Variants in RRP1B observed in about 807,000 individuals in gnomAD.
RRP1B encodes ribosomal RNA processing protein 1 homolog B.
In RRP1B, 56 loss-of-function variants were observed where a neutral mutation model predicts 80.2. That is an observed-to-expected ratio of 0.70 (90% CI 0.56 to 0.87). The LOEUF (loss-of-function observed/expected upper bound fraction) is 0.87. RRP1B is among the 40% of genes least tolerant of loss of function. The pLI is 0.00. For synonymous variants in RRP1B, 351 were observed against 357.6 expected (o/e 0.98, Z 0.21); for missense variants, 807 against 939.8 (o/e 0.86, Z 1.85).
intron 3 of RRP1B, among the ~76,000 whole-genome samples, chr21:43,673,634 CAAAAAAAA>C (rs557525643): frequency 1.5e-5 from 1 of 66,076 alleles, no homozygotes; most frequent in Non-Finnish European, 3.9e-5. Context: ...ACCCCGTCTC[CAAAAAAAA>C]AAAAAAAAAA....
chr21:43,674,931 T>C, intron 5 of RRP1B, 103 bp from the exon 6 acceptor site: 1 of 1,450,174 alleles, frequency 6.9e-7, no homozygotes, highest in Non-Finnish European at 9.4e-7. Context: ...TTGCATTGAT[T>C]GTTAGGCTGT....
intron 8 of RRP1B, among the ~76,000 whole-genome samples, chr21:43,680,022 G>C (rs377746944): frequency 2.2e-4 from 33 of 152,236 alleles, no homozygotes; most frequent in African/African-American, 7.7e-4. Context: ...CCATCATACT[G>C]ATTCATGTAA....
chr21:43,684,715 C>G lies in RRP1B; in HGVS notation c.989+65C>G. On this transcript the variant is annotated intron_variant, in intron 10 of 15. Transcript: ENST00000340648. ...TTAGTTCTCATCTCCTGGTGTGGGA[C>G]AAGCCATCTGCATGCTTATCTTTTT... 3 of 1,290,816 alleles carry G rather than the reference C, an allele frequency of 2.3e-6. No individual in the cohort carries two copies. In the South Asian group the frequency reaches 3.6e-5, roughly 15 times the overall value. The allele number at this position is 1,290,816 out of a possible 1,614,324, so 80.0% of individuals were successfully genotyped here.
chr21:43,679,230 C>T (rs553572343), intron 8 of RRP1B, among the ~76,000 whole-genome samples: 12,901 of 141,762 alleles, frequency 0.091, 1,881 homozygotes, highest in African/African-American at 0.31. Flanking sequence ...TTTTGTGTGT[C>T]TTTTTTTTTT....
chr21:43,686,454 G>T, intron 11 of RRP1B: 1 of 215,030 alleles, frequency 4.7e-6, no homozygotes, highest in Non-Finnish European at 9.4e-6. Context: ...GTTACATTTG[G>T]ACAAGTCAGT....
chr21:43,690,083 T>A (rs1303967671), intron 13 of RRP1B, among the ~76,000 whole-genome samples: 1 of 152,270 alleles, frequency 6.6e-6, no homozygotes, highest in Non-Finnish European at 1.5e-5. Flanking sequence ...CCTCTTGGCA[T>A]GGTGCCATGA....
chr21:43,686,822 T>C lies in RRP1B; in HGVS notation c.1028T>C (p.Leu343Pro), dbSNP rs761478229. 21 of 1,614,076 alleles carry C rather than the reference T, an allele frequency of 1.3e-5. No individual in the cohort carries two copies. The highest frequency in any genetic ancestry group is 1.8e-5 in the Non-Finnish European group (21 of 1,180,002). ...DLSEGSSISQ[L>P]SFAEDISADE... ...CATCTAGGAAGCAGTATATCTCAAC[T>C]CAGTTTTGCGGAGGACATTTCTGCT... is the stretch of plus-strand genomic sequence containing the variant. Residue 343 changes from leucine to proline, a missense_variant, in exon 12 of 16, where the codon CTC becomes CCC. Coordinates refer to ENST00000340648, the MANE Select transcript of RRP1B (RefSeq NM_015056.3).
intron 1 of RRP1B, among the ~76,000 whole-genome samples, chr21:43,665,632 C>T (rs188838097): frequency 2.0e-5 from 3 of 152,218 alleles, no homozygotes; most frequent in East Asian, 1.9e-4. Flanking sequence ...CTGAAACCTC[C>T]GCCTCCTGGG....
chr21:43,675,023 T>C lies in RRP1B; in HGVS notation c.420-11T>C. 1 of 1,613,732 alleles carries C rather than the reference T, an allele frequency of 6.2e-7. No individual in the cohort carries two copies. ...ACTGTCATTCACAGAAGCATGCGTT[T>C]GGTTCTTTAGCCGAATCAAGGTTTT... On this transcript the variant is annotated splice_polypyrimidine_tract_variant and intron_variant, in intron 5 of 15. Coordinates refer to ENST00000340648, the MANE Select transcript of RRP1B (RefSeq NM_015056.3).
chr21:43,670,359 C>T (rs1438299894), intron 2 of RRP1B, among the ~76,000 whole-genome samples: 2 of 152,346 alleles, frequency 1.3e-5, no homozygotes, highest in Middle Eastern at 3.4e-3. Flanking sequence ...CACTGGGCTT[C>T]GGGTTCCATG....
intron 2 of RRP1B, among the ~76,000 whole-genome samples, chr21:43,671,151 G>C (rs1056240050): frequency 6.6e-6 from 1 of 152,094 alleles, no homozygotes; most frequent in African/African-American, 2.4e-5. Flanking sequence ...GAGTGAGCCT[G>C]CTGCACCTCA....
chr21:43,675,843 CATTTTATTTTATTTTATTTT>C lies in RRP1B; in HGVS notation c.550-393_550-374del, dbSNP rs374076927. 4.4e-3 allele frequency among the ~76,000 whole-genome samples: 628 copies of C among 142,948 alleles called. 8 individuals carry two copies. Among genetic ancestry groups the C allele is most frequent in the African/African-American group, 0.015 (580 of 37,792 alleles). 93.8% of individuals were successfully genotyped at this position (142,948 alleles called of 152,430 possible). On this transcript the variant is annotated intron_variant, in intron 6 of 15. Transcript: ENST00000340648. ...TTCTTAAAATATGAGGGGTATTTTG[CATTTTATTTTATTTTATTTT>C]ATTTTATTTTATTTTATTTTATTTT...
rs2083088268 is a variant in RRP1B at position 43,691,877 on chromosome 21, C to A, written c.2083+375C>A. On this transcript the variant is annotated intron_variant, in intron 15 of 15. Coordinates refer to ENST00000340648, the MANE Select transcript of RRP1B (RefSeq NM_015056.3). This position sits in a 1 kb window ranked among gnomAD's most constrained non-coding sequence, Gnocchi z 4.2. ...AGCCAGGCTGGTCTCAAACTCCTGACCTCAGGTGATCTGCCTGCCTCGGCC... is the reference window on the plus strand; with the variant it reads ...AGCCAGGCTGGTCTCAAACTCCTGAACTCAGGTGATCTGCCTGCCTCGGCC... Among the ~76,000 whole-genome samples, 1 of 152,098 alleles carries A rather than the reference C, an allele frequency of 6.6e-6. No individual in the cohort carries two copies. Among genetic ancestry groups the A allele is most frequent in the African/African-American group, 2.4e-5 (1 of 41,416 alleles).
At chr21:43,676,977 T>G (rs1211246597) in intron 8 of RRP1B, 63 bp downstream of exon 8, 3 of 1,498,038 alleles carry the variant, frequency 2.0e-6, no homozygotes, top group Non-Finnish European at 2.7e-6. Context: ...AGACAAACAG[T>G]TTTTAATACA....
intron 3 of RRP1B, among the ~76,000 whole-genome samples, chr21:43,673,256 A>G (rs1421165421): frequency 1.3e-5 from 2 of 152,220 alleles, no homozygotes; most frequent in Non-Finnish European, 2.9e-5. Flanking sequence ...TTTGCAGTGG[A>G]TAAAGGAAAA....
chr21:43,672,437 G>T (rs1227807119), intron 3 of RRP1B, 72 bp downstream of exon 3: 2 of 1,288,762 alleles, frequency 1.6e-6, no homozygotes, highest in Non-Finnish European at 2.3e-6. Flanking sequence ...CCTTGTGCCG[G>T]TATTGTGTAG....
At chr21:43,660,397 C>T (rs1052869740) in intron 1 of RRP1B, among the ~76,000 whole-genome samples, 8 of 152,088 alleles carry the variant, frequency 5.3e-5, no homozygotes, top group African/African-American at 1.7e-4. Context: ...AACCCCGGCT[C>T]TACTAAAAAT....
In RRP1B at chr21:43,686,816, C is replaced by G. The variant is rs773903354; in HGVS notation, c.1022C>G (p.Ser341Cys). The part of the protein sequence containing the change: ...FQDLSEGSSI[S>C]QLSFAEDISA... Reference sequence around the variant, plus strand: ...CTCTGGCATCTAGGAAGCAGTATATCTCAACTCAGTTTTGCGGAGGACATT... The same window carrying G: ...CTCTGGCATCTAGGAAGCAGTATATGTCAACTCAGTTTTGCGGAGGACATT... The change falls in exon 12 of 16, where the codon TCT becomes TGT. Residue 341 changes from serine (S) to cysteine (C), a missense_variant. Transcript: ENST00000340648. 13 of 1,614,064 alleles carry G rather than the reference C, an allele frequency of 8.1e-6. No individual in the cohort carries two copies. In the Admixed American group the frequency reaches 2.2e-4, roughly 27 times the overall value.
intron 1 of RRP1B, among the ~76,000 whole-genome samples, chr21:43,669,088 A>G (rs182242137): frequency 3.3e-5 from 5 of 151,294 alleles, no homozygotes; most frequent in East Asian, 2.0e-4. Context: ...GATCACCGTT[A>G]CAGGGAGGGT....
Sources: allele counts gnomAD v4.1 joint callset (sites outside exome capture counted in the v4.1 genomes callset), GRCh38; gene constraint gnomAD v4.1.1; non-coding constraint Gnocchi (gnomAD v3.1); transcripts MANE v1.5; gene names NCBI Gene and HGNC (gene_info 2026-07-23, HGNC 2026-07-21).